The following PNLIPRP3 variants were observed in gnomAD, a reference collection of about 807,000 sequenced individuals.
The protein encoded by PNLIPRP3 is pancreatic lipase-related protein 3.
In PNLIPRP3, 58 loss-of-function variants were observed where a neutral mutation model predicts 52.8. That is an observed-to-expected ratio of 1.10 (90% CI 0.89 to 1.37). PNLIPRP3 has a LOEUF of 1.37. Ranked by LOEUF, PNLIPRP3 falls within the 40% of genes most tolerant of loss-of-function variation. PNLIPRP3 has a pLI of 0.00. For synonymous variants in PNLIPRP3, 192 were observed against 185.0 expected (o/e 1.04, Z -0.31); for missense variants, 593 against 561.6 (o/e 1.06, Z -0.57).
At chr10:116,471,653 C>T in intron 9 of PNLIPRP3, 115 bp from the exon 10 acceptor site, 1 of 806,066 alleles carries the variant, frequency 1.2e-6, no homozygotes, top group South Asian at 1.5e-5. Context: ...ATATGTGCAG[C>T]ACTGTTCAAA....
chr10:116,453,442 G>T (rs1215149789), intron 4 of PNLIPRP3, among the ~76,000 whole-genome samples: 5 of 152,124 alleles, frequency 3.3e-5, no homozygotes, highest in Non-Finnish European at 5.9e-5. Flanking sequence ...ATTTTGCAAT[G>T]TGAAACGGAC....
chr10:116,472,625 T>G (rs1031428069), intron 10 of PNLIPRP3, among the ~76,000 whole-genome samples: 10 of 152,284 alleles, frequency 6.6e-5, no homozygotes, highest in African/African-American at 1.9e-4. Flanking sequence ...GAGAGATGCA[T>G]CCGTTTTATC....
intron 10 of PNLIPRP3, among the ~76,000 whole-genome samples, chr10:116,473,948 CAAAAAAA>C (rs771490177): frequency 2.9e-5 from 3 of 103,278 alleles, no homozygotes; most frequent in Non-Finnish European, 3.7e-5. Context: ...CATATGGAAC[CAAAAAAA>C]AAAAAAAAAA....
At chr10:116,451,371 C>A (rs1326588650) in intron 4 of PNLIPRP3, among the ~76,000 whole-genome samples, 2 of 152,134 alleles carry the variant, frequency 1.3e-5, no homozygotes, top group Non-Finnish European at 2.9e-5. Flanking sequence ...TTGGACTTGA[C>A]AATGATTTCC....
At chr10:116,454,595 C>T (rs1415354993) in intron 4 of PNLIPRP3, among the ~76,000 whole-genome samples, 1 of 152,170 alleles carries the variant, frequency 6.6e-6, no homozygotes, top group East Asian at 1.9e-4. Context: ...AATCTCAGTC[C>T]CTGATAACTA....
rs185969436 is a variant in PNLIPRP3, at chr10:116,444,422, A to G, written c.365A>G (p.Asp122Gly). 26 of 1,612,218 alleles carry G rather than the reference A, an allele frequency of 1.6e-5. No homozygotes were observed. The South Asian group carries it at 2.5e-4, about 16-fold the overall frequency. The change falls in exon 4 of 12, where the codon GAT becomes GGT. Residue 122 changes from aspartate (D) to glycine (G), a missense_variant. Asp to Gly is a moderately conservative substitution (Grantham distance 94). Transcript: ENST00000369230. ...QLEDINCINLDWINGSREYIH... is the reference protein window; with the variant it reads ...QLEDINCINLGWINGSREYIH... ...GAAGATATAAATTGCATTAATTTAGATTGGATCAACGGTTCACGGGAATAC... is the reference window on the plus strand; with the variant it reads ...GAAGATATAAATTGCATTAATTTAGGTTGGATCAACGGTTCACGGGAATAC...
chr10:116,476,901 C>A (rs1035795353), intron 11 of PNLIPRP3, 82 bp downstream of exon 11: 14 of 1,375,756 alleles, frequency 1.0e-5, no homozygotes, highest in African/African-American at 1.5e-5. Context: ...TTGAAATGTG[C>A]AAGTAGCATA....
chr10:116,449,938 A>C (rs1846011614), intron 4 of PNLIPRP3, among the ~76,000 whole-genome samples: 1 of 152,212 alleles, frequency 6.6e-6, no homozygotes, highest in Admixed American at 6.5e-5. Flanking sequence ...AATCAATAGC[A>C]AAAGGAAAAC....
chr10:116,466,319 C>G (rs1846282273), intron 8 of PNLIPRP3, 151 bp downstream of exon 8: 1 of 584,092 alleles, frequency 1.7e-6, no homozygotes, highest in Admixed American at 3.3e-5. Context: ...GAGTACTGAA[C>G]AGTAGCTGGG....
At chr10:116,472,174 T>C (rs1846384523) in intron 10 of PNLIPRP3, among the ~76,000 whole-genome samples, 1 of 152,250 alleles carries the variant, frequency 6.6e-6, no homozygotes, top group Non-Finnish European at 1.5e-5. Context: ...GATATATTTT[T>C]AATCCCATTC....
At chr10:116,474,428 C>T (rs749846397) in intron 10 of PNLIPRP3, among the ~76,000 whole-genome samples, 10 of 152,106 alleles carry the variant, frequency 6.6e-5, no homozygotes, top group Non-Finnish European at 1.2e-4. Flanking sequence ...GCAATTGCAA[C>T]GAAAGCAAAA....
rs762759379 is a variant in PNLIPRP3 at position 116,471,804 on chromosome 10, G to A, written c.1097G>A (p.Ser366Asn). The A allele has an allele frequency of 7.4e-6, 12 of 1,611,636 alleles. No individual in the cohort carries two copies. The highest frequency in any genetic ancestry group is 1.0e-5 in the Non-Finnish European group (12 of 1,178,516). ...RHKLSVKLSG[S>N]EVTQGTVFLR... ...AAATTGTCTGTTAAACTCAGTGGAA[G>A]CGAAGTCACTCAAGGAACTGTCTTT... is the stretch of plus-strand genomic sequence containing the variant. Residue 366 changes from serine (S) to asparagine (N), a missense_variant, in exon 10 of 12, where the codon AGC (serine) becomes AAC (asparagine). By Grantham distance (46) the Ser-to-Asn change is conservative. Coordinates refer to ENST00000369230, the MANE Select transcript of PNLIPRP3 (RefSeq NM_001011709.3).
Position 116,472,814 on chromosome 10 carries a change from C to T in PNLIPRP3, c.1172+935C>T, listed in dbSNP as rs559245986. ...GTTCAGCGAGGCTACACTGTTTGCA[C>T]TACCCAGTACTGAATAGATCCTACC... On this transcript the variant is annotated intron_variant, in intron 10 of 11. Coordinates refer to ENST00000369230, the MANE Select transcript of PNLIPRP3 (RefSeq NM_001011709.3). Among the ~76,000 whole-genome samples the T allele has an allele frequency of 8.5e-5, 13 of 152,320 alleles. 1 individual carries two copies. The highest frequency in any genetic ancestry group is 8.5e-4 in the Admixed American group (13 of 15,302).
chr10:116,454,236 A>T (rs750869279), intron 4 of PNLIPRP3, among the ~76,000 whole-genome samples: 1 of 151,974 alleles, frequency 6.6e-6, no homozygotes, highest in Non-Finnish European at 1.5e-5. Flanking sequence ...CTCCTGCTTC[A>T]GCTTACTGAG....
chr10:116,447,631 A>C (rs1314235636), intron 4 of PNLIPRP3, among the ~76,000 whole-genome samples: 1 of 152,182 alleles, frequency 6.6e-6, no homozygotes, highest in Non-Finnish European at 1.5e-5. Flanking sequence ...CAAATCTTGG[A>C]GCAAAAGAAT....
chr10:116,438,017 T>A (rs890349217), intron 2 of PNLIPRP3, among the ~76,000 whole-genome samples: 1 of 152,134 alleles, frequency 6.6e-6, no homozygotes, highest in African/African-American at 2.4e-5. Context: ...ATCAACATGA[T>A]AGACATCATA....
At chr10:116,433,327 C>T (rs890866612) in intron 1 of PNLIPRP3, among the ~76,000 whole-genome samples, 1 of 151,950 alleles carries the variant, frequency 6.6e-6, no homozygotes, top group Admixed American at 6.6e-5. Context: ...AAGCAAATTT[C>T]TCTACTCTTT....
Position 116,447,805 on chromosome 10 carries a change from C to T in PNLIPRP3, c.456+3292C>T, listed in dbSNP as rs149317778. Among the ~76,000 whole-genome samples the T allele has an allele frequency of 6.8e-3, 1,037 of 151,944 alleles. 12 individuals are homozygous for T. Among genetic ancestry groups the T allele is most frequent in the African/African-American group, 0.021 (881 of 41,430 alleles). On this transcript the variant is annotated intron_variant, in intron 4 of 11. Coordinates refer to ENST00000369230, the MANE Select transcript of PNLIPRP3 (RefSeq NM_001011709.3). ...ACAAAAAAGTAGCTGGTCATGGTGG[C>T]GCGCACCTGTAATCCCAGCTACATG...
At chr10:116,449,470 G>A (rs144356493) in intron 4 of PNLIPRP3, among the ~76,000 whole-genome samples, 44 of 152,154 alleles carry the variant, frequency 2.9e-4, no homozygotes, top group African/African-American at 9.2e-4. Context: ...TAGACTTTAC[G>A]TCAGAAAGTA....
Sources: allele counts gnomAD v4.1 joint callset (sites outside exome capture counted in the v4.1 genomes callset), GRCh38; gene constraint gnomAD v4.1.1; transcripts MANE v1.5; gene names NCBI Gene and HGNC (gene_info 2026-07-23, HGNC 2026-07-21).